Variants in BCL3 observed in about 807,000 individuals in gnomAD.
The protein encoded by BCL3 is B-cell lymphoma 3 protein.
A neutral mutation model predicts 35.7 loss-of-function variants in BCL3; 15 were observed. The observed-to-expected ratio is 0.42, with a 90% CI of 0.28 to 0.65. BCL3 has a LOEUF of 0.65. Among genes scored for constraint, BCL3 ranks in the 30% least tolerant of loss-of-function variants. BCL3 has a pLI of 0.22. For missense variants in BCL3, 565 were observed against 641.7 expected, an observed-to-expected ratio of 0.88 and a Z score of 1.29; for synonymous variants, 311 against 284.3, an observed-to-expected ratio of 1.09 and a Z score of -0.95.
chr19:44,753,693 C>A (rs984537837), intron 2 of BCL3, among the ~76,000 whole-genome samples: 1 of 152,016 alleles, frequency 6.6e-6, no homozygotes, highest in Admixed American at 6.6e-5. Context: ...AGTCTGGGTC[C>A]CCGCAGAAGC....
chr19:44,756,529 G>A (rs898497009), intron 3 of BCL3, among the ~76,000 whole-genome samples, 189 bp downstream of exon 3: 16 of 148,274 alleles, frequency 1.1e-4, no homozygotes, highest in African/African-American at 4.1e-4. Flanking sequence ...TGGGATCCGG[G>A]GTCTGATGGA....
chr19:44,748,532 A>C (rs1029854797), upstream of BCL3: 48 of 218,840 alleles, frequency 2.2e-4, no homozygotes, highest in Non-Finnish European at 3.3e-4. Context: ...GGGAGGGGGC[A>C]AGCGGGGCGC....
intron 7 of BCL3, 59 bp downstream of exon 7, chr19:44,758,472 A>G (rs1459555911): frequency 1.3e-6 from 2 of 1,505,888 alleles, no homozygotes; most frequent in Non-Finnish European, 1.8e-6. Flanking sequence ...GGCTGGTTGC[A>G]GGCGAGTGTG....
chr19:44,759,428 G>A lies in BCL3; in HGVS notation c.1178G>A (p.Gly393Asp). ...CCCTCTGTCTCTCTTCCTTCCTCAG[G>A]TCTTCTCTCCGCATCACCATCCTCC... ...PESSSRLSSN[G>D]LLSASPSSSP... is the part of the protein sequence containing the mutation. The change falls in exon 9 of 9, where the codon GGT becomes GAT. Residue 393 changes from glycine to aspartate, a missense_variant and splice_region_variant. Gly to Asp is a moderately conservative substitution (Grantham distance 94, BLOSUM62 -1). Coordinates refer to ENST00000164227, the MANE Select transcript of BCL3 (RefSeq NM_005178.5). 1 of 1,575,004 alleles carries A rather than the reference G, an allele frequency of 6.3e-7. No homozygotes were observed. The highest frequency in any genetic ancestry group is 8.6e-7 in the Non-Finnish European group (1 of 1,163,486).
At position 44,759,708 on chromosome 19, in the gene BCL3, C is replaced by T; in HGVS notation, c.*93C>T. ...TGGAAACTGTGAAGATCTCACTCTG[C>T]CCCCCCCCCCCATCTTCGGGACCAG... On this transcript the variant is annotated 3_prime_UTR_variant, in exon 9 of 9. Transcript: ENST00000164227. 1.2e-5 allele frequency: 1 copy of T among 80,076 alleles called. No homozygotes were observed. The highest frequency in any genetic ancestry group is 1.8e-5 in the Non-Finnish European group (1 of 54,824). The allele number at this position is 80,076 out of a possible 1,614,324, so 5.0% of individuals were successfully genotyped here. A position where few individuals can be genotyped will look rare whatever the true frequency, so the allele number is the denominator to read the frequency against.
At position 44,757,479 on chromosome 19, in the gene BCL3, C is replaced by CTGGGGGGGGGG; in HGVS notation, c.813+64_813+65insTGGGGGGGGGG. The CTGGGGGGGGGG allele has an allele frequency of 1.8e-5, 5 of 273,198 alleles. No individual in the cohort carries two copies. The highest frequency in any genetic ancestry group is 2.9e-5 in the Non-Finnish European group (5 of 174,596). The allele number at this position is 273,198 out of a possible 1,614,324, so 16.9% of individuals were successfully genotyped here. On this transcript the variant is annotated intron_variant, in intron 5 of 8. Coordinates refer to ENST00000164227, the MANE Select transcript of BCL3 (RefSeq NM_005178.5). The surrounding 1 kb of genome is among the most constrained non-coding windows in gnomAD (Gnocchi z 8.4). Reference sequence around the variant, plus strand: ...AGCAGGGGCGGGGTCTTGGCGGGGGCGGGGCCAGTGTGGGGCTGGCGTGGG... The same window carrying CTGGGGGGGGGG: ...AGCAGGGGCGGGGTCTTGGCGGGGGCTGGGGGGGGGGGGGGCCAGTGTGGGGCTGGCGTGGG...
upstream of BCL3, chr19:44,748,554 GGC>G (rs1431284003): frequency 3.3e-6 from 1 of 304,768 alleles, no homozygotes; most frequent in African/African-American, 2.3e-5. Flanking sequence ...GCGCGGGCGG[GGC>G]GCAGGGCAGG....
At chr19:44,753,504 T>C (rs1294751294) in intron 2 of BCL3, among the ~76,000 whole-genome samples, 3 of 152,116 alleles carry the variant, frequency 2.0e-5, no homozygotes, top group East Asian at 1.9e-4. Flanking sequence ...CTCCCCCACG[T>C]CAGCACCCGT....
At chr19:44,752,939 G>C (rs1003352305) in intron 2 of BCL3, among the ~76,000 whole-genome samples, 1 of 152,222 alleles carries the variant, frequency 6.6e-6, no homozygotes, top group African/African-American at 2.4e-5. Flanking sequence ...TGTTTCTGCA[G>C]AGAAGTAGCA....
intron 2 of BCL3, 137 bp from the exon 3 acceptor site, chr19:44,756,095 G>T: frequency 1.9e-6 from 1 of 519,356 alleles, no homozygotes. Flanking sequence ...GATGGAGGGA[G>T]TGGGTGGGGA....
chr19:44,748,729 C>G lies in BCL3; in HGVS notation c.-62C>G. Reference sequence around the variant, plus strand: ...CTGCAGGGGAAGTCCCGGCGCCCGGCGAAACCACCCTCCCGTGCAGCCGAG... The same window carrying G: ...CTGCAGGGGAAGTCCCGGCGCCCGGGGAAACCACCCTCCCGTGCAGCCGAG... On this transcript the variant is annotated 5_prime_UTR_variant, in exon 1 of 9. Transcript: ENST00000164227. 1 of 1,068,710 alleles carries G rather than the reference C, an allele frequency of 9.4e-7. No individual in the cohort carries two copies. The highest frequency in any genetic ancestry group is 1.1e-6 in the Non-Finnish European group (1 of 884,298). 66.2% of individuals were successfully genotyped at this position (1,068,710 alleles called of 1,614,324 possible). A position where few individuals can be genotyped will look rare whatever the true frequency, so the allele number is the denominator to read the frequency against.
chr19:44,758,834 C>T lies in BCL3; in HGVS notation c.1170C>T (p.Ser390=). 2 of 1,595,304 alleles carry T rather than the reference C, an allele frequency of 1.3e-6. No individual in the cohort carries two copies. Among genetic ancestry groups the T allele is most frequent in the Admixed American group, 1.8e-5 (1 of 56,686 alleles). ...NTSPESSSRL[S]SNGLLSASPS... ...CCCCCGAGAGCAGCAGCCGCCTCAG[C>T]TCCAATGGTGAGAAACCGTTCCCAA... Residue 390 remains serine (S), a synonymous_variant, in exon 8 of 9, where the codon AGC becomes AGT. Coordinates refer to ENST00000164227, the MANE Select transcript of BCL3 (RefSeq NM_005178.5).
chr19:44,751,392 T>C lies in BCL3; in HGVS notation c.410+12T>C, dbSNP rs774635426. 1.9e-6 allele frequency: 3 copies of C among 1,558,462 alleles called. No individual in the cohort carries two copies. The highest frequency in any genetic ancestry group is 2.6e-6 in the Non-Finnish European group (3 of 1,158,132). On this transcript the variant is annotated intron_variant, in intron 2 of 8. Transcript: ENST00000164227. ...GAGGACGGAGACACGTGAGTGACAG[T>C]CCCCTATTAAGGGGAGGGGTGGTTG...
At chr19:44,748,096 G>A, upstream of BCL3, 5 of 1,334,430 alleles carry the variant, frequency 3.7e-6, no homozygotes, top group Non-Finnish European at 4.9e-6. Flanking sequence ...ACGGCTCAGA[G>A]AGGGGAAGTG....
Position 44,757,587 on chromosome 19 carries a change from G to A in BCL3, c.814-59G>A. On this transcript the variant is annotated intron_variant, in intron 5 of 8. Coordinates refer to ENST00000164227, the MANE Select transcript of BCL3 (RefSeq NM_005178.5). The surrounding 1 kb of genome is among the most constrained non-coding windows in gnomAD (Gnocchi z 8.4). ...CGCGAATGGGATGTGGACGGGATGC[G>A]GGTCGCCGGCTGCTGGAGCAGAGCT... is the stretch of plus-strand genomic sequence containing the variant. 1 of 1,590,636 alleles carries A rather than the reference G, an allele frequency of 6.3e-7. No individual in the cohort carries two copies. The highest frequency in any genetic ancestry group is 8.6e-7 in the Non-Finnish European group (1 of 1,160,732).
intron 8 of BCL3, 113 bp downstream of exon 8, chr19:44,758,954 C>T: frequency 1.1e-6 from 1 of 924,696 alleles, no homozygotes; most frequent in Non-Finnish European, 1.6e-6. Flanking sequence ...TAGCCTCCTC[C>T]CTCTGACCCA....
chr19:44,759,696 G>T lies in BCL3; in HGVS notation c.*81G>T. On this transcript the variant is annotated 3_prime_UTR_variant, in exon 9 of 9. Coordinates refer to ENST00000164227, the MANE Select transcript of BCL3 (RefSeq NM_005178.5). ...GGTCAACCCTTCTGGAAACTGTGAA[G>T]ATCTCACTCTGCCCCCCCCCCCCAT... The T allele has an allele frequency of 1.4e-5, 11 of 807,214 alleles. No individual in the cohort carries two copies. Among genetic ancestry groups the T allele is most frequent in the South Asian group, 1.8e-5 (1 of 55,456 alleles). The allele number at this position is 807,214 out of a possible 1,614,324, so 50.0% of individuals were successfully genotyped here.
intron 2 of BCL3, among the ~76,000 whole-genome samples, chr19:44,753,616 TGCGCCA>T (rs902182678): frequency 1.4e-4 from 22 of 151,984 alleles, no homozygotes; most frequent in African/African-American, 5.1e-4. Context: ...GGCCCCAGCC[TGCGCCA>T]CCGGCTCCTC....
intron 1 of BCL3, among the ~76,000 whole-genome samples, 166 bp downstream of exon 1, chr19:44,749,212 AGCCAGTAAGCTGT>A (rs892813208): frequency 4.1e-4 from 60 of 145,918 alleles, no homozygotes; most frequent in Admixed American, 2.1e-3. Flanking sequence ...ATCATCGGGG[AGCCAGTAAGCTGT>A]GCCTTGGGAT....
Sources: gnomAD v4.1 joint callset for allele counts (sites outside exome capture counted in the v4.1 genomes callset) on GRCh38, gnomAD v4.1.1 for gene constraint, Gnocchi (gnomAD v3.1) non-coding constraint, MANE v1.5 for transcripts, NCBI Gene and HGNC (gene_info 2026-07-23, HGNC 2026-07-21) for gene names.